Variants in KCNIP4 observed in about 807,000 individuals in gnomAD.
The protein encoded by KCNIP4 is potassium voltage-gated channel interacting protein 4.
KCNIP4 carries 12 observed loss-of-function variants against 34.0 expected under a neutral mutation model. That is an observed-to-expected ratio of 0.35 (90% confidence interval 0.23 to 0.57). The LOEUF (loss-of-function observed/expected upper bound fraction) is 0.57, where lower values mean the gene tolerates loss of function less well. Ranked by LOEUF, KCNIP4 falls within the 20% of genes least tolerant of loss-of-function variation. The pLI, the probability that KCNIP4 is intolerant of heterozygous loss-of-function variation, is 0.83. For missense variants in KCNIP4, 238 were observed against 311.7 expected (o/e 0.76, Z 1.78); for synonymous variants, 124 against 102.2 (o/e 1.21, Z -1.29).
At chr4:21,046,426 A>G (rs1742422997) in intron 1 of KCNIP4, among the ~76,000 whole-genome samples, 1 of 152,182 alleles carries the variant, frequency 6.6e-6, no homozygotes, top group Non-Finnish European at 1.5e-5. Context: ...TGAAGATAGC[A>G]GTTCTTTATG....
intron 1 of KCNIP4, among the ~76,000 whole-genome samples, chr4:20,936,414 GT>G (rs10676973): frequency 4.7e-5 from 7 of 150,322 alleles, no homozygotes; most frequent in African/African-American, 1.7e-4. Context: ...TAAAAGATAT[GT>G]TTTTTTTTTC....
intron 1 of KCNIP4, among the ~76,000 whole-genome samples, chr4:21,767,967 C>T (rs1359348641): frequency 6.6e-6 from 1 of 152,084 alleles, no homozygotes; most frequent in Non-Finnish European, 1.5e-5. Context: ...AGAAGCCATT[C>T]TTCTAACTTC....
chr4:21,607,558 G>A (rs1370789478), intron 1 of KCNIP4, among the ~76,000 whole-genome samples: 1 of 151,774 alleles, frequency 6.6e-6, no homozygotes, highest in Non-Finnish European at 1.5e-5. Context: ...GACACTATTA[G>A]AAAGCACCCG....
intron 1 of KCNIP4, among the ~76,000 whole-genome samples, chr4:21,061,851 T>C (rs9997060): frequency 0.16 from 24,874 of 152,000 alleles, 2,106 homozygotes; most frequent in East Asian, 0.24. Context: ...AAGCCCTAAT[T>C]TAATGACTTG....
intron 1 of KCNIP4, among the ~76,000 whole-genome samples, chr4:21,319,714 A>G (rs1714173213): frequency 6.6e-6 from 1 of 152,156 alleles, no homozygotes; most frequent in Non-Finnish European, 1.5e-5. Context: ...CACACAAGAC[A>G]CACACACAGA....
At chr4:20,964,411 C>T (rs1234381326) in intron 1 of KCNIP4, among the ~76,000 whole-genome samples, 1 of 152,190 alleles carries the variant, frequency 6.6e-6, no homozygotes, top group East Asian at 1.9e-4. Flanking sequence ...CTGGGAGCAT[C>T]ATTCTTTATG....
intron 1 of KCNIP4, among the ~76,000 whole-genome samples, chr4:21,292,899 T>C (rs537976222): frequency 6.6e-6 from 1 of 152,184 alleles, no homozygotes; most frequent in South Asian, 2.1e-4. Context: ...CCCCAGCACC[T>C]AGAAGAGTAC....
intron 5 of KCNIP4, among the ~76,000 whole-genome samples, chr4:20,740,201 C>A (rs1750728251): frequency 6.6e-6 from 1 of 152,112 alleles, no homozygotes; most frequent in Non-Finnish European, 1.5e-5. Context: ...CCTAGCAAGT[C>A]AGGCCAACAT....
intron 1 of KCNIP4, among the ~76,000 whole-genome samples, chr4:21,248,164 T>G (rs1760433768): frequency 6.6e-6 from 1 of 151,668 alleles, no homozygotes; most frequent in African/African-American, 2.4e-5. Context: ...CTTCTGTATT[T>G]AAAATGAGAG....
intron 1 of KCNIP4, among the ~76,000 whole-genome samples, chr4:21,066,322 C>A (rs1468029465): frequency 1.3e-5 from 2 of 152,106 alleles, no homozygotes; most frequent in Non-Finnish European, 2.9e-5. Context: ...CAAATAGAAG[C>A]ACCCAGCAAT....
At chr4:21,937,681 T>C (rs1284233026) in intron 1 of KCNIP4, among the ~76,000 whole-genome samples, 1 of 152,094 alleles carries the variant, frequency 6.6e-6, no homozygotes, top group African/African-American at 2.4e-5. Flanking sequence ...CCTCCATCTC[T>C]GTATTTCCCA....
intron 1 of KCNIP4, among the ~76,000 whole-genome samples, chr4:21,439,031 G>C (rs1458184870): frequency 1.3e-5 from 2 of 152,030 alleles, no homozygotes; most frequent in South Asian, 4.2e-4. Context: ...GCGTGGCGGC[G>C]GGCGCCTGTA....
At chr4:21,090,832 A>G (rs1363609339) in intron 1 of KCNIP4, among the ~76,000 whole-genome samples, 1 of 152,192 alleles carries the variant, frequency 6.6e-6, no homozygotes, top group East Asian at 1.9e-4. Flanking sequence ...CACGTTTGTG[A>G]AAAAAATTAG....
At chr4:21,403,940 C>T (rs1247046324) in intron 1 of KCNIP4, among the ~76,000 whole-genome samples, 7 of 152,174 alleles carry the variant, frequency 4.6e-5, no homozygotes, top group Non-Finnish European at 7.3e-5. Context: ...TAATCACTCT[C>T]CCAAAGGCCT....
In KCNIP4 at chr4:21,778,946, C is replaced by T. The variant is rs140371872; in HGVS notation, c.61+169625G>A. Reference sequence around the variant, plus strand: ...GTACTAATTGCATTAGTACCCACTTCCTAGAGTTACTGTGAGCTTTTAAAG... The same window carrying T: ...GTACTAATTGCATTAGTACCCACTTTCTAGAGTTACTGTGAGCTTTTAAAG... On this transcript the variant is annotated intron_variant, in intron 1 of 8. Coordinates refer to ENST00000382152, the MANE Select transcript of KCNIP4 (RefSeq NM_025221.6). Among the ~76,000 whole-genome samples the T allele has an allele frequency of 8.8e-3, 1,330 of 151,964 alleles. 18 individuals are homozygous for T. Among genetic ancestry groups the T allele is most frequent in the South Asian group, 0.039 (186 of 4,806 alleles).
At chr4:20,843,359 C>G (rs1176311690) in intron 3 of KCNIP4, among the ~76,000 whole-genome samples, 1 of 152,156 alleles carries the variant, frequency 6.6e-6, no homozygotes, top group African/African-American at 2.4e-5. Flanking sequence ...GTTTCCTGTA[C>G]CTAGGACACT....
At chr4:21,841,846 A>AG (rs1330434397) in intron 1 of KCNIP4, among the ~76,000 whole-genome samples, 3 of 152,158 alleles carry the variant, frequency 2.0e-5, no homozygotes, top group Admixed American at 6.6e-5. Flanking sequence ...TCATTTCTTA[A>AG]GAGTCAGTGC....
At chr4:21,019,727 T>TA (rs562788723) in intron 1 of KCNIP4, among the ~76,000 whole-genome samples, 4 of 152,084 alleles carry the variant, frequency 2.6e-5, no homozygotes, top group South Asian at 2.1e-4. Context: ...CAATCGTCAT[T>TA]AAAAAAAATC....
At chr4:21,941,276 C>G (rs1730189978) in intron 1 of KCNIP4, among the ~76,000 whole-genome samples, 1 of 151,978 alleles carries the variant, frequency 6.6e-6, no homozygotes. Flanking sequence ...AATGTACAAA[C>G]AGCACAACAA....
Sources: gnomAD v4.1 joint callset for allele counts (sites outside exome capture counted in the v4.1 genomes callset) on GRCh38, gnomAD v4.1.1 for gene constraint, MANE v1.5 for transcripts, NCBI Gene and HGNC (gene_info 2026-07-23, HGNC 2026-07-21) for gene names.